The following SPRED2 variants were observed in gnomAD, a reference collection of about 807,000 sequenced individuals.
The protein encoded by SPRED2 is sprouty-related, EVH1 domain-containing protein 2.
Under a neutral mutation model 43.0 loss-of-function variants are expected in SPRED2, and 47 were observed. The observed-to-expected ratio is 1.09, with a 90% CI of 0.87 to 1.40. The LOEUF (loss-of-function observed/expected upper bound fraction) is 1.40, where lower values mean the gene tolerates loss of function less well. Ranked by LOEUF, SPRED2 falls within the 40% of genes most tolerant of loss-of-function variation. The pLI is 0.00. For missense variants in SPRED2, 561 were observed against 586.4 expected, an observed-to-expected ratio of 0.96 and a Z score of 0.45; for synonymous variants, 225 against 225.7, an observed-to-expected ratio of 1.00 and a Z score of 0.03.
At chr2:65,424,289 C>CT (rs1676506524) in intron 1 of SPRED2, among the ~76,000 whole-genome samples, 1 of 151,958 alleles carries the variant, frequency 6.6e-6, no homozygotes, top group African/African-American at 2.4e-5. Context: ...AACTCAAAGT[C>CT]TTTTTTGGAT....
downstream of SPRED2, among the ~76,000 whole-genome samples, chr2:65,307,269 C>G (rs1672960340): frequency 6.6e-6 from 1 of 152,164 alleles, no homozygotes; most frequent in African/African-American, 2.4e-5. Context: ...GATCTCAGCT[C>G]ACTGCAGCCT....
At chr2:65,401,099 C>G (rs1438149399) in intron 1 of SPRED2, among the ~76,000 whole-genome samples, 1 of 151,948 alleles carries the variant, frequency 6.6e-6, no homozygotes, top group Non-Finnish European at 1.5e-5. Context: ...TCCTGAATAG[C>G]TGGAACTACA....
rs529475242 is a variant in SPRED2, at chr2:65,349,046, C to T, written c.27-4150G>A. ...CTTCTGGGCTGGGCGCAGTGGCTCA[C>T]GCCTGTAATCCCAGCACTTCGGGAG... On this transcript the variant is annotated intron_variant, in intron 1 of 5. Transcript: ENST00000356388. Among the ~76,000 whole-genome samples, 164 of 151,982 alleles carry T rather than the reference C, an allele frequency of 1.1e-3. 2 individuals are homozygous for T. The highest frequency in any genetic ancestry group is 3.8e-3 in the African/African-American group (156 of 41,468).
chr2:65,311,007 A>G lies in SPRED2; in HGVS notation c.*2494T>C, dbSNP rs765512376. On this transcript the variant is annotated 3_prime_UTR_variant, in exon 6 of 6. Coordinates refer to ENST00000356388, the MANE Select transcript of SPRED2 (RefSeq NM_181784.3). ...ACAGAGGTAAAAAGGCTTATTATAAAAAAATCAATACAACAGGGTTTTTAG... is the reference window on the plus strand; with the variant it reads ...ACAGAGGTAAAAAGGCTTATTATAAGAAAATCAATACAACAGGGTTTTTAG... The G allele has an allele frequency of 3.0e-6, 3 of 984,602 alleles. No individual in the cohort carries two copies. The highest frequency in any genetic ancestry group is 3.6e-6 in the Non-Finnish European group (3 of 828,756). The allele number at this position is 984,602 out of a possible 1,614,324, so 61.0% of individuals were successfully genotyped here.
chr2:65,334,846 T>G, intron 2 of SPRED2, 73 bp from the exon 3 acceptor site: 1 of 1,529,488 alleles, frequency 6.5e-7, no homozygotes, highest in Non-Finnish European at 9.0e-7. Flanking sequence ...GAAGTCTAAT[T>G]AGGAACCATC....
intron 3 of SPRED2, chr2:65,332,258 T>A: frequency 2.4e-6 from 1 of 424,280 alleles, no homozygotes; most frequent in Non-Finnish European, 4.4e-6. Context: ...TAACTTTGCC[T>A]GCTGTTGTTC....
intron 1 of SPRED2, among the ~76,000 whole-genome samples, chr2:65,360,839 TA>T (rs1336254191): frequency 6.6e-6 from 1 of 152,096 alleles, no homozygotes; most frequent in Non-Finnish European, 1.5e-5. Flanking sequence ...TTTACCACAA[TA>T]AAAAAAGATA....
intron 3 of SPRED2, chr2:65,332,338 G>A: frequency 3.6e-6 from 1 of 276,350 alleles, no homozygotes; most frequent in East Asian, 9.5e-5. Context: ...TGTGGAGGAG[G>A]TGAGGGGAGA....
intron 1 of SPRED2, among the ~76,000 whole-genome samples, chr2:65,388,279 T>C (rs1572887489): frequency 6.6e-6 from 1 of 152,338 alleles, no homozygotes; most frequent in East Asian, 1.9e-4. Context: ...ACTCTGAATA[T>C]GAGCCCTCAA....
chr2:65,361,734 A>T (rs529328818), intron 1 of SPRED2, among the ~76,000 whole-genome samples: 1 of 152,376 alleles, frequency 6.6e-6, no homozygotes, highest in Non-Finnish European at 1.5e-5. Context: ...TCTTTGGAAC[A>T]GGTTCCAGCC....
chr2:65,309,609 T>G (rs201825768), downstream of SPRED2, among the ~76,000 whole-genome samples: 6 of 137,190 alleles, frequency 4.4e-5, no homozygotes, highest in Non-Finnish European at 7.9e-5. Context: ...ATTTTCTATC[T>G]GCAGGGGGTC....
At chr2:65,417,660 CA>C (rs1676319583) in intron 1 of SPRED2, among the ~76,000 whole-genome samples, 1 of 152,202 alleles carries the variant, frequency 6.6e-6, no homozygotes, top group Non-Finnish European at 1.5e-5. Flanking sequence ...GTACCCAAAA[CA>C]GGCCTGGAAC....
chr2:65,316,359 T>C (rs1226771616), intron 5 of SPRED2, among the ~76,000 whole-genome samples: 1 of 152,258 alleles, frequency 6.6e-6, no homozygotes, highest in Non-Finnish European at 1.5e-5. Flanking sequence ...GACAGAGGAA[T>C]GCAGGACGCA....
At chr2:65,330,830 C>G (rs1296607626) in intron 4 of SPRED2, among the ~76,000 whole-genome samples, 1 of 152,188 alleles carries the variant, frequency 6.6e-6, no homozygotes, top group African/African-American at 2.4e-5. Context: ...ACAAAAATAT[C>G]TGTGTGTGTA....
intron 1 of SPRED2, among the ~76,000 whole-genome samples, chr2:65,370,924 C>G (rs936996554): frequency 6.6e-6 from 1 of 152,156 alleles, no homozygotes; most frequent in Admixed American, 6.5e-5. Flanking sequence ...ACACATGTCC[C>G]CAGAGGTTGA....
At chr2:65,338,760 T>C (rs867564815) in intron 2 of SPRED2, among the ~76,000 whole-genome samples, 1 of 150,138 alleles carries the variant, frequency 6.7e-6, no homozygotes, top group South Asian at 2.1e-4. Flanking sequence ...TGGCTGCCCA[T>C]CGTCTGGGAT....
chr2:65,313,759 CA>C lies in SPRED2; in HGVS notation c.998del (p.Val333GlyfsTer8). 6.2e-7 allele frequency: 1 copy of C among 1,614,206 alleles called. No individual in the cohort carries two copies. Among genetic ancestry groups the C allele is most frequent in the Non-Finnish European group, 8.5e-7 (1 of 1,180,044 alleles). ...AGCTCACCCGGCGGATGCAAGTTCT[CA>C]CGGAGTCGGGCGCGTCCTGGCAGTG... ...RGHCQDAPDS[V>X]RTCIRRVSCM... On this transcript the variant is annotated frameshift_variant, in exon 6 of 6. Coordinates refer to ENST00000356388, the MANE Select transcript of SPRED2 (RefSeq NM_181784.3). LOFTEE classifies it high-confidence loss of function.
Position 65,313,439 on chromosome 2 carries a change from G to C in SPRED2, c.*62C>G, listed in dbSNP as rs1673127759. 1.3e-6 allele frequency: 2 copies of C among 1,538,060 alleles called. No homozygotes were observed. Among genetic ancestry groups the C allele is most frequent in the Non-Finnish European group, 1.7e-6 (2 of 1,145,358 alleles). ...TGGAAGGGAGCGGGGGAGAAGATGA[G>C]AGTATGTAAGAGACGAGTTCCCCTG... On this transcript the variant is annotated 3_prime_UTR_variant, in exon 6 of 6. Coordinates refer to ENST00000356388, the MANE Select transcript of SPRED2 (RefSeq NM_181784.3).
At chr2:65,374,658 T>C (rs1572878659) in intron 1 of SPRED2, among the ~76,000 whole-genome samples, 1 of 152,364 alleles carries the variant, frequency 6.6e-6, no homozygotes, top group Non-Finnish European at 1.5e-5. Context: ...CCAAAGTTAC[T>C]AAATACTTGA....
Sources: gnomAD v4.1 joint callset for allele counts (sites outside exome capture counted in the v4.1 genomes callset) on GRCh38, gnomAD v4.1.1 for gene constraint, MANE v1.5 for transcripts, NCBI Gene and HGNC (gene_info 2026-07-23, HGNC 2026-07-21) for gene names.